Variants in COL21A1 observed in about 807,000 individuals in gnomAD.
The protein encoded by COL21A1 is collagen type XXI alpha 1 chain.
COL21A1 carries 149 observed loss-of-function variants against 137.9 expected under a neutral mutation model. The observed-to-expected ratio is 1.08, with a 90% CI of 0.95 to 1.24. COL21A1 has a LOEUF of 1.24. COL21A1 is among the 50% of genes most tolerant of loss of function. The pLI is 0.00. For synonymous variants in COL21A1, 456 were observed against 391.5 expected, an observed-to-expected ratio of 1.16 and a Z score of -1.95; for missense variants, 1,167 against 1,158.4, an observed-to-expected ratio of 1.01 and a Z score of -0.11.
intron 16 of COL21A1, among the ~76,000 whole-genome samples, chr6:56,108,761 T>G (rs997588217): frequency 4.6e-5 from 7 of 151,804 alleles, no homozygotes; most frequent in African/African-American, 1.7e-4. Flanking sequence ...GTATATTGAG[T>G]TTTACACTCT....
At chr6:56,256,765 C>T (rs907145655) in intron 1 of COL21A1, among the ~76,000 whole-genome samples, 2 of 152,060 alleles carry the variant, frequency 1.3e-5, no homozygotes, top group Admixed American at 1.3e-4. Flanking sequence ...CTGCTATACT[C>T]TTCGCAGTCC....
intron 1 of COL21A1, among the ~76,000 whole-genome samples, chr6:56,237,292 G>C (rs1249847954): frequency 6.6e-6 from 1 of 152,014 alleles, no homozygotes; most frequent in Non-Finnish European, 1.5e-5. Flanking sequence ...ACTCCCTTGA[G>C]TAAAACAGGT....
chr6:56,143,931 GT>G (rs1345170433), intron 10 of COL21A1, among the ~76,000 whole-genome samples: 4 of 152,136 alleles, frequency 2.6e-5, no homozygotes, highest in Non-Finnish European at 5.9e-5. Context: ...ATCATGTTAT[GT>G]TTGTGCACCT....
At chr6:56,193,617 T>A (rs1778836510) in intron 1 of COL21A1, among the ~76,000 whole-genome samples, 1 of 152,176 alleles carries the variant, frequency 6.6e-6, no homozygotes, top group African/African-American at 2.4e-5. Flanking sequence ...CTAAGGCAAT[T>A]AAACCAGATG....
At chr6:56,291,456 G>T (rs4715608) in intron 1 of COL21A1, among the ~76,000 whole-genome samples, 1 of 152,134 alleles carries the variant, frequency 6.6e-6, no homozygotes, top group African/African-American at 2.4e-5. Flanking sequence ...GCAAACAGGC[G>T]GATGCCTTCT....
At chr6:56,379,797 T>C (rs994052441) in intron 1 of COL21A1, among the ~76,000 whole-genome samples, 6 of 152,156 alleles carry the variant, frequency 3.9e-5, no homozygotes, top group Non-Finnish European at 5.9e-5. Context: ...TTCAACACAA[T>C]AGTTTATTAA....
At chr6:56,308,361 C>A (rs1202394362) in intron 1 of COL21A1, among the ~76,000 whole-genome samples, 1 of 152,176 alleles carries the variant, frequency 6.6e-6, no homozygotes, top group Non-Finnish European at 1.5e-5. Flanking sequence ...TGTGAGAAAT[C>A]AATTTCTATC....
Position 56,150,556 on chromosome 6 carries a change from AC to A in COL21A1, c.1434+6330del, listed in dbSNP as rs1561920266. On this transcript the variant is annotated intron_variant, in intron 10 of 29. Transcript: ENST00000244728. ...CACACACACACACACACACACACAC[AC>A]ACACACACAAGAGTGGGGGGAACTG... is the stretch of plus-strand genomic sequence containing the variant. Among the ~76,000 whole-genome samples the A allele has an allele frequency of 2.4e-3, 355 of 150,632 alleles. 8 individuals carry two copies. Among genetic ancestry groups the A allele is most frequent in the African/African-American group, 6.4e-3 (262 of 40,880 alleles).
At chr6:56,071,787 A>G (rs1204928872) in intron 20 of COL21A1, among the ~76,000 whole-genome samples, 1 of 151,608 alleles carries the variant, frequency 6.6e-6, no homozygotes, top group Admixed American at 6.6e-5. Context: ...CGATAAAGCT[A>G]ATATATTTTA....
chr6:56,314,123 T>G (rs1012789931), intron 1 of COL21A1, among the ~76,000 whole-genome samples: 10 of 152,120 alleles, frequency 6.6e-5, no homozygotes, highest in Non-Finnish European at 1.2e-4. Flanking sequence ...TAGCTGGGAC[T>G]ACAGGCACGC....
chr6:56,237,324 A>C (rs1169603088), intron 1 of COL21A1, among the ~76,000 whole-genome samples: 1 of 152,112 alleles, frequency 6.6e-6, no homozygotes, highest in African/African-American at 2.4e-5. Flanking sequence ...AAGCATTGGC[A>C]ATACAAAAAC....
intron 1 of COL21A1, among the ~76,000 whole-genome samples, chr6:56,202,416 G>A (rs1050772100): frequency 6.6e-6 from 1 of 152,138 alleles, no homozygotes; most frequent in Non-Finnish European, 1.5e-5. Context: ...AACTCATAAG[G>A]AGGACCACTT....
chr6:56,377,614 A>C (rs2094001670), intron 1 of COL21A1, among the ~76,000 whole-genome samples: 1 of 152,058 alleles, frequency 6.6e-6, no homozygotes, highest in Admixed American at 6.5e-5. Context: ...AGGCTAAAGC[A>C]CTCTGGGGGT....
intron 1 of COL21A1, among the ~76,000 whole-genome samples, chr6:56,309,301 G>A (rs1400449792): frequency 6.6e-6 from 1 of 152,170 alleles, no homozygotes; most frequent in Non-Finnish European, 1.5e-5. Flanking sequence ...GCCTCCCAAA[G>A]TGCTGGGATT....
chr6:56,269,526 G>T (rs1346601299), intron 1 of COL21A1, among the ~76,000 whole-genome samples: 2 of 150,882 alleles, frequency 1.3e-5, no homozygotes, highest in Non-Finnish European at 3.0e-5. Context: ...GTAGTGGCGG[G>T]CGCCTGTAGT....
chr6:56,325,757 A>C (rs1325451260), intron 1 of COL21A1, among the ~76,000 whole-genome samples: 114 of 4,370 alleles, frequency 0.026, 51 homozygotes, highest in African/African-American at 0.087. Flanking sequence ...TAATATTATA[A>C]ATATTATATA....
chr6:56,175,907 A>T (rs1777431146), intron 3 of COL21A1, among the ~76,000 whole-genome samples: 1 of 152,206 alleles, frequency 6.6e-6, no homozygotes, highest in African/African-American at 2.4e-5. Flanking sequence ...TAATCAAAAC[A>T]GTATGGTAAA....
upstream of COL21A1, among the ~76,000 whole-genome samples, chr6:56,247,948 C>A (rs769013428): frequency 3.3e-5 from 5 of 152,336 alleles, no homozygotes; most frequent in South Asian, 2.1e-4. Context: ...GAAGAACCCC[C>A]CTCTGGGGCG....
intron 1 of COL21A1, among the ~76,000 whole-genome samples, chr6:56,243,601 C>T (rs1782475311): frequency 6.6e-6 from 1 of 152,168 alleles, no homozygotes; most frequent in African/African-American, 2.4e-5. Flanking sequence ...TCTTATTAAG[C>T]ACTTACTATG....
Sources: allele counts gnomAD v4.1 joint callset (sites outside exome capture counted in the v4.1 genomes callset), GRCh38; gene constraint gnomAD v4.1.1; transcripts MANE v1.5; gene names NCBI Gene and HGNC (gene_info 2026-07-23, HGNC 2026-07-21).